Variants in GTPBP10 observed in about 807,000 individuals in gnomAD.
GTPBP10 encodes GTP binding protein 10.
A neutral mutation model predicts 44.8 loss-of-function variants in GTPBP10; 38 were observed. The ratio of observed to expected loss-of-function variants is 0.85; its 90% CI spans 0.65 to 1.11. GTPBP10 has a LOEUF of 1.11. Among genes scored for constraint, GTPBP10 ranks in the 50% most tolerant of loss-of-function variants. The pLI, the probability that GTPBP10 is intolerant of heterozygous loss-of-function variation, is 0.00. For missense variants in GTPBP10, 462 were observed against 453.7 expected (o/e 1.02, Z -0.17); for synonymous variants, 152 against 150.6 (o/e 1.01, Z -0.07).
chr7:90,366,011 A>G (rs1363921499), intron 4 of GTPBP10, among the ~76,000 whole-genome samples: 3 of 152,172 alleles, frequency 2.0e-5, no homozygotes, highest in African/African-American at 4.8e-5. Flanking sequence ...TTCTGCATCT[A>G]TTGAGATAAT....
At position 90,387,348 on chromosome 7, in the gene GTPBP10, T is replaced by TA. The variant is rs751160882; in HGVS notation, c.*2195dup. 1 of 106,870 alleles carries TA rather than the reference T, an allele frequency of 9.4e-6. No individual in the cohort carries two copies. Among genetic ancestry groups the TA allele is most frequent in the Non-Finnish European group, 2.1e-5 (1 of 48,412 alleles). 6.6% of individuals were successfully genotyped at this position (106,870 alleles called of 1,614,324 possible). A position where few individuals can be genotyped will look rare whatever the true frequency, so the allele number is the denominator to read the frequency against. ...GGAGACTTCCTCTCAAAAAACAAAA[T>TA]ATTGTACTTCAAAAAATTATTCTTC... On this transcript the variant is annotated 3_prime_UTR_variant, in exon 10 of 10. Coordinates refer to ENST00000222511, the MANE Select transcript of GTPBP10 (RefSeq NM_033107.4).
chr7:90,362,046 G>A (rs1268245571), intron 4 of GTPBP10, among the ~76,000 whole-genome samples: 3 of 151,798 alleles, frequency 2.0e-5, no homozygotes, highest in Admixed American at 6.6e-5. Context: ...TCTTGCTAGC[G>A]GTCTATCAAT....
chr7:90,381,199 A>T (rs1317679155), intron 8 of GTPBP10, among the ~76,000 whole-genome samples: 1 of 152,106 alleles, frequency 6.6e-6, no homozygotes, highest in Non-Finnish European at 1.5e-5. Context: ...ATTTTTTGAG[A>T]AATCTTTATA....
At chr7:90,351,432 A>G (rs182742755) in intron 1 of GTPBP10, among the ~76,000 whole-genome samples, 1 of 152,330 alleles carries the variant, frequency 6.6e-6, no homozygotes. Context: ...AAAAATTAAG[A>G]TAGATATGTG....
rs1308195986 is a variant in GTPBP10, at chr7:90,388,895, A to T, written c.*3741A>T. On this transcript the variant is annotated 3_prime_UTR_variant, in exon 10 of 10. Coordinates refer to ENST00000222511, the MANE Select transcript of GTPBP10 (RefSeq NM_033107.4). ...TTGAAAACCCAGTTTTACAAATCCC[A>T]TCTACAAATTTGCATTGTCATTAAG... 1 of 152,232 alleles carries T rather than the reference A, an allele frequency of 6.6e-6. No individual in the cohort carries two copies. The highest frequency in any genetic ancestry group is 1.5e-5 in the Non-Finnish European group (1 of 68,038). 9.4% of individuals were successfully genotyped at this position (152,232 alleles called of 1,614,324 possible).
intron 1 of GTPBP10, among the ~76,000 whole-genome samples, chr7:90,350,483 T>C (rs1795769907): frequency 8.2e-6 from 1 of 122,500 alleles, no homozygotes; most frequent in South Asian, 2.7e-4. Flanking sequence ...TAGAACTGTC[T>C]TCCACAGTCA....
At chr7:90,354,570 A>G in intron 3 of GTPBP10, 21 bp downstream of exon 3, 2 of 1,263,516 alleles carry the variant, frequency 1.6e-6, no homozygotes, top group East Asian at 5.1e-5. Flanking sequence ...TATAACTCCA[A>G]AAGTTGTAAA....
At chr7:90,371,010 G>A (rs866724184) in intron 4 of GTPBP10, among the ~76,000 whole-genome samples, 9 of 144,996 alleles carry the variant, frequency 6.2e-5, no homozygotes, top group Admixed American at 1.4e-4. Flanking sequence ...CATCTCAATA[G>A]ATAAATAAAT....
chr7:90,362,792 A>T (rs2115672813), intron 4 of GTPBP10, among the ~76,000 whole-genome samples: 1 of 152,118 alleles, frequency 6.6e-6, no homozygotes, highest in Non-Finnish European at 1.5e-5. Context: ...GTCTCTAAGG[A>T]CTTGCTTTAT....
At chr7:90,363,982 C>T (rs1206742718) in intron 4 of GTPBP10, among the ~76,000 whole-genome samples, 2 of 152,226 alleles carry the variant, frequency 1.3e-5, no homozygotes, top group Non-Finnish European at 2.9e-5. Context: ...GTTTGCAGCT[C>T]CATCAGGTCA....
At chr7:90,372,482 C>CTTTT (rs757973599) in intron 5 of GTPBP10, among the ~76,000 whole-genome samples, 18 of 112,206 alleles carry the variant, frequency 1.6e-4, no homozygotes, top group South Asian at 3.0e-4. Context: ...GCTTGGCTAA[C>CTTTT]TTTTTTTTTT....
intron 4 of GTPBP10, among the ~76,000 whole-genome samples, chr7:90,367,184 G>T (rs1796151043): frequency 6.6e-6 from 1 of 152,186 alleles, no homozygotes; most frequent in Non-Finnish European, 1.5e-5. Context: ...TTTTGCATTT[G>T]CTGAGGAGTG....
In GTPBP10 at chr7:90,374,340, A is replaced by G. The variant is rs17867481; in HGVS notation, c.577A>G (p.Ser193Gly). Residue 193 changes from serine (S) to glycine (G), a missense_variant, in exon 6 of 10, where the codon AGT (serine) becomes GGT (glycine). Ser to Gly is a moderately conservative substitution (Grantham distance 56). Coordinates refer to ENST00000222511, the MANE Select transcript of GTPBP10 (RefSeq NM_033107.4). ...GCCTGAACTTGGAAAGATAATGTACAGTGATTTCAAACAGGTAGGTATTTT... is the reference window on the plus strand; with the variant it reads ...GCCTGAACTTGGAAAGATAATGTACGGTGATTTCAAACAGGTAGGTATTTT... ...LKPELGKIMY[S>G]DFKQISVADL... 40 of 1,593,082 alleles carry G rather than the reference A, an allele frequency of 2.5e-5. No individual in the cohort carries two copies. The highest frequency in any genetic ancestry group is 3.4e-5 in the Non-Finnish European group (40 of 1,161,868).
chr7:90,351,555 G>GT (rs1795791533), intron 1 of GTPBP10, among the ~76,000 whole-genome samples: 4 of 152,048 alleles, frequency 2.6e-5, no homozygotes, highest in African/African-American at 9.7e-5. Flanking sequence ...TGCTTTGTAA[G>GT]TTTTTTCAAA....
chr7:90,359,154 AT>A (rs869094830), intron 4 of GTPBP10, among the ~76,000 whole-genome samples: 5 of 151,838 alleles, frequency 3.3e-5, no homozygotes, highest in African/African-American at 4.8e-5. Context: ...ACTTAAAAAA[AT>A]TTTTTTTATT....
chr7:90,365,693 C>T (rs1260353660), intron 4 of GTPBP10, among the ~76,000 whole-genome samples: 1 of 151,652 alleles, frequency 6.6e-6, no homozygotes, highest in Non-Finnish European at 1.5e-5. Context: ...TCTAAATATA[C>T]AATCATGTCA....
chr7:90,350,939 T>G (rs141450475), intron 1 of GTPBP10, among the ~76,000 whole-genome samples: 2 of 152,162 alleles, frequency 1.3e-5, no homozygotes, highest in African/African-American at 2.4e-5. Flanking sequence ...CATGGTGGTG[T>G]TCAAGGTTTA....
chr7:90,355,034 G>T, intron 3 of GTPBP10, 52 bp from the exon 4 acceptor site: 2 of 1,184,404 alleles, frequency 1.7e-6, no homozygotes, highest in African/African-American at 1.5e-5. Context: ...TATTGCATTA[G>T]TGATTTCACT....
At chr7:90,363,829 C>A (rs921564874) in intron 4 of GTPBP10, among the ~76,000 whole-genome samples, 2 of 151,826 alleles carry the variant, frequency 1.3e-5, no homozygotes, top group Non-Finnish European at 2.9e-5. Flanking sequence ...AGGCTTTGTT[C>A]ATTTCGTTTT....
Sources: gnomAD v4.1 joint callset for allele counts (sites outside exome capture counted in the v4.1 genomes callset) on GRCh38, gnomAD v4.1.1 for gene constraint, MANE v1.5 for transcripts, NCBI Gene and HGNC (gene_info 2026-07-23, HGNC 2026-07-21) for gene names.